MICU1: variants seen among roughly 807,000 people sequenced by gnomAD.
The protein encoded by MICU1 is mitochondrial calcium uptake 1, also known as calcium uptake protein 1, mitochondrial.
A neutral mutation model predicts 56.8 loss-of-function variants in MICU1; 45 were observed. The observed-to-expected ratio is 0.79, with a 90% CI of 0.62 to 1.02. MICU1 has a LOEUF of 1.02. MICU1 is among the 50% of genes least tolerant of loss of function. The pLI, the probability that MICU1 is intolerant of heterozygous loss-of-function variation, is 0.00. For missense variants in MICU1, 504 were observed against 587.1 expected (o/e 0.86, Z 1.46); for synonymous variants, 186 against 195.1 (o/e 0.95, Z 0.39).
At chr10:72,606,598 A>AATAT (rs544479058) in intron 1 of MICU1, among the ~76,000 whole-genome samples, 2 of 150,054 alleles carry the variant, frequency 1.3e-5, no homozygotes, top group African/African-American at 2.4e-5. Context: ...TATAATAAGA[A>AATAT]ATATATATAT....
intron 9 of MICU1, among the ~76,000 whole-genome samples, chr10:72,409,005 G>T (rs1468246969): frequency 6.6e-6 from 1 of 152,020 alleles, no homozygotes; most frequent in South Asian, 2.1e-4. Context: ...GATGCATCGA[G>T]AAAAAGTAGT....
At chr10:72,582,934 A>C (rs1840941040) in intron 1 of MICU1, 1 of 152,140 alleles carries the variant, frequency 6.6e-6, no homozygotes, top group African/African-American at 2.4e-5. Context: ...GTTCAATATC[A>C]ATATGGTAAC....
intron 8 of MICU1, among the ~76,000 whole-genome samples, chr10:72,471,975 T>C (rs1037356498): frequency 6.6e-6 from 1 of 152,080 alleles, no homozygotes; most frequent in African/African-American, 2.4e-5. Flanking sequence ...TAGTATATTT[T>C]ACATATAAAA....
chr10:72,624,251 A>G (rs1247056508), intron 1 of MICU1, among the ~76,000 whole-genome samples: 1 of 152,134 alleles, frequency 6.6e-6, no homozygotes, highest in Non-Finnish European at 1.5e-5. Context: ...CTGGAGTGCA[A>G]TGGTACGATC....
chr10:72,393,502 T>C (rs1488509905), intron 10 of MICU1, among the ~76,000 whole-genome samples: 2 of 152,128 alleles, frequency 1.3e-5, no homozygotes, highest in Non-Finnish European at 2.9e-5. Context: ...TTCAGTAAGC[T>C]TGGTGTATTT....
At chr10:72,419,270 C>T (rs1037139424) in intron 9 of MICU1, among the ~76,000 whole-genome samples, 1 of 152,242 alleles carries the variant, frequency 6.6e-6, no homozygotes, top group East Asian at 1.9e-4. Flanking sequence ...TCCACCTATA[C>T]ATTCGTAATC....
At chr10:72,458,045 T>C (rs1422214457) in intron 8 of MICU1, among the ~76,000 whole-genome samples, 1 of 151,802 alleles carries the variant, frequency 6.6e-6, no homozygotes, top group Non-Finnish European at 1.5e-5. Flanking sequence ...CACGTGCCTG[T>C]AATCCCAGCT....
chr10:72,573,307 CA>C (rs58866778), intron 1 of MICU1, among the ~76,000 whole-genome samples: 45 of 21,034 alleles, frequency 2.1e-3, no homozygotes, highest in African/African-American at 5.2e-3. Context: ...CCCATCACTA[CA>C]AAAAAAAAAA....
rs190584560 is a variant in MICU1, at chr10:72,418,387, T to G, written c.1071+4847A>C. Among the ~76,000 whole-genome samples, 25 of 152,258 alleles carry G rather than the reference T, an allele frequency of 1.6e-4. No individual in the cohort carries two copies. In the East Asian group the frequency reaches 4.8e-3, roughly 29 times the overall value. Reference sequence around the variant, plus strand: ...AAAAATTCCTCAAGTGATCCTATAGTAGAGAAGCACTGCTTTACAGGAAGA... The same window carrying G: ...AAAAATTCCTCAAGTGATCCTATAGGAGAGAAGCACTGCTTTACAGGAAGA... On this transcript the variant is annotated intron_variant, in intron 9 of 11. Transcript: ENST00000361114.
intron 11 of MICU1, among the ~76,000 whole-genome samples, chr10:72,373,023 G>A (rs1389062405): frequency 6.6e-6 from 1 of 151,996 alleles, no homozygotes; most frequent in African/African-American, 2.4e-5. Context: ...AGGACCACAT[G>A]ACCACTATGA....
At chr10:72,430,595 C>T (rs529964787) in intron 8 of MICU1, among the ~76,000 whole-genome samples, 2 of 150,460 alleles carry the variant, frequency 1.3e-5, no homozygotes, top group South Asian at 4.2e-4. Flanking sequence ...GGGTCTCGCT[C>T]TGTTGCCCAG....
intron 3 of MICU1, among the ~76,000 whole-genome samples, chr10:72,560,747 G>A (rs767811978): frequency 5.3e-5 from 8 of 152,106 alleles, no homozygotes; most frequent in Non-Finnish European, 1.0e-4. Context: ...GCAGGCATCT[G>A]TAATTCCAGC....
chr10:72,570,653 A>G (rs1421100956), intron 1 of MICU1, among the ~76,000 whole-genome samples: 1 of 152,144 alleles, frequency 6.6e-6, no homozygotes, highest in Non-Finnish European at 1.5e-5. Flanking sequence ...TCTAGGTCCA[A>G]TTTTGAAATT....
intron 1 of MICU1, among the ~76,000 whole-genome samples, chr10:72,579,436 C>T (rs1840840260): frequency 6.6e-6 from 1 of 152,054 alleles, no homozygotes; most frequent in African/African-American, 2.4e-5. Flanking sequence ...TTACCCTTTC[C>T]ACCAGTGTAT....
chr10:72,518,466 A>G (rs1867719583), intron 5 of MICU1, among the ~76,000 whole-genome samples: 1 of 152,164 alleles, frequency 6.6e-6, no homozygotes, highest in African/African-American at 2.4e-5. Context: ...GTAAACTATA[A>G]GAAAGAAATT....
chr10:72,398,646 A>T (rs1815562561), intron 10 of MICU1, among the ~76,000 whole-genome samples: 1 of 152,242 alleles, frequency 6.6e-6, no homozygotes, highest in African/African-American at 2.4e-5. Context: ...AACTACCATC[A>T]GAGAATACTA....
chr10:72,401,569 G>A (rs114176766), intron 10 of MICU1, among the ~76,000 whole-genome samples: 4,594 of 152,234 alleles, frequency 0.03, 227 homozygotes, highest in African/African-American at 0.11. Flanking sequence ...CAGGAGAATC[G>A]TTTGAACCTG....
chr10:72,479,428 CAATA>C (rs749242572), intron 6 of MICU1, among the ~76,000 whole-genome samples: 2 of 152,298 alleles, frequency 1.3e-5, no homozygotes, highest in Non-Finnish European at 2.9e-5. Flanking sequence ...AGGAGATAAC[CAATA>C]TCACAGAAAC....
chr10:72,488,441 C>T (rs1866546182), intron 6 of MICU1, among the ~76,000 whole-genome samples: 1 of 152,068 alleles, frequency 6.6e-6, no homozygotes, highest in Non-Finnish European at 1.5e-5. Flanking sequence ...GTCATTACTA[C>T]TGCTACTATA....
Sources: gnomAD v4.1 joint callset for allele counts (sites outside exome capture counted in the v4.1 genomes callset) on GRCh38, gnomAD v4.1.1 for gene constraint, MANE v1.5 for transcripts, NCBI Gene and HGNC (gene_info 2026-07-23, HGNC 2026-07-21) for gene names.